The following PCYT1A variants were observed in gnomAD, a reference collection of about 807,000 sequenced individuals.
The protein encoded by PCYT1A is choline-phosphate cytidylyltransferase A.
In PCYT1A, 25 loss-of-function variants were observed where a neutral mutation model predicts 43.7. That is an observed-to-expected ratio of 0.57 (90% CI 0.42 to 0.80). The LOEUF (loss-of-function observed/expected upper bound fraction) is 0.80, where lower values mean the gene tolerates loss of function less well. Among genes scored for constraint, PCYT1A ranks in the 30% least tolerant of loss-of-function variants. The pLI, the probability that PCYT1A is intolerant of heterozygous loss-of-function variation, is 0.00. For missense variants in PCYT1A, 421 were observed against 474.2 expected (o/e 0.89, Z 1.04); for synonymous variants, 172 against 170.7 (o/e 1.01, Z -0.06).
At chr3:196,270,071 C>T (rs149401117) in intron 2 of PCYT1A, among the ~76,000 whole-genome samples, 4 of 152,218 alleles carry the variant, frequency 2.6e-5, no homozygotes, top group African/African-American at 4.8e-5. Context: ...CAGGGTTTCA[C>T]CAGGCTGGTC....
At position 196,273,981 on chromosome 3, in the gene PCYT1A, C is replaced by T. The variant is rs1725515705; in HGVS notation, c.-10-3440G>A. 6.6e-6 allele frequency among the ~76,000 whole-genome samples: 1 copy of T among 152,242 alleles called. No individual in the cohort carries two copies. Among genetic ancestry groups the T allele is most frequent in the Non-Finnish European group, 1.5e-5 (1 of 68,036 alleles). On this transcript the variant is annotated intron_variant, in intron 1 of 8. Coordinates refer to ENST00000431016, the MANE Select transcript of PCYT1A (RefSeq NM_001312673.2). This position sits in a 1 kb window ranked among gnomAD's most constrained non-coding sequence, Gnocchi z 4.1. ...GCGCCTGCAGGCCTGAATGGAGCTG[C>T]TCTCAGCTCCGCCTTGGCGTCCCCT...
chr3:196,271,051 G>A (rs1244046540), intron 1 of PCYT1A, among the ~76,000 whole-genome samples: 4 of 152,222 alleles, frequency 2.6e-5, no homozygotes, highest in African/African-American at 7.2e-5. Context: ...TTAAGACGGG[G>A]TCTCACTCTG....
At chr3:196,276,872 G>A (rs77143021) in intron 1 of PCYT1A, among the ~76,000 whole-genome samples, 2,480 of 152,044 alleles carry the variant, frequency 0.016, 45 homozygotes, top group Middle Eastern at 0.061. Context: ...GCAAGTCAAG[G>A]CTGCACTGAG....
intron 3 of PCYT1A, among the ~76,000 whole-genome samples, chr3:196,255,077 C>T (rs1480996546): frequency 6.6e-6 from 1 of 152,154 alleles, no homozygotes; most frequent in East Asian, 1.9e-4. Flanking sequence ...GGTGTTGAAA[C>T]TTCACTAGAG....
chr3:196,272,336 C>G (rs915686178), intron 1 of PCYT1A, among the ~76,000 whole-genome samples: 54 of 152,194 alleles, frequency 3.5e-4, no homozygotes, highest in Non-Finnish European at 7.5e-4. Context: ...AGGCACCCAC[C>G]ACCACGCCTG....
At chr3:196,240,384 T>C (rs1252714493) in intron 7 of PCYT1A, among the ~76,000 whole-genome samples, 6 of 152,260 alleles carry the variant, frequency 3.9e-5, no homozygotes, top group Middle Eastern at 6.8e-3. Context: ...GAGTATTTAG[T>C]CAAATGAGAA....
In PCYT1A at chr3:196,252,979, A is replaced by C. The variant is rs1724848073; in HGVS notation, c.218-4656T>G. On this transcript the variant is annotated intron_variant, in intron 3 of 8. Coordinates refer to ENST00000431016, the MANE Select transcript of PCYT1A (RefSeq NM_001312673.2). The surrounding 1 kb of genome is among the most constrained non-coding windows in gnomAD (Gnocchi z 4.0). ...AAAATAAAACAAAATTTGAGCATAT[A>C]ATCCCCCTTCTATGTCCCAGAAATC... 6.6e-6 allele frequency among the ~76,000 whole-genome samples: 1 copy of C among 152,220 alleles called. No homozygotes were observed. The highest frequency in any genetic ancestry group is 2.4e-5 in the African/African-American group (1 of 41,458).
chr3:196,272,324 A>G (rs68056570), intron 1 of PCYT1A, among the ~76,000 whole-genome samples: 55,813 of 151,792 alleles, frequency 0.37, 10,970 homozygotes, highest in East Asian at 0.82. Context: ...AGGTGGGATT[A>G]CAGGCACCCA....
Position 196,248,825 on chromosome 3 carries a change from C to T in PCYT1A, c.218-502G>A, listed in dbSNP as rs948720473. Among the ~76,000 whole-genome samples the T allele has an allele frequency of 1.4e-4, 21 of 151,960 alleles. No homozygotes were observed. In the South Asian group the frequency reaches 1.5e-3, roughly 11 times the overall value. On this transcript the variant is annotated intron_variant, in intron 3 of 8. Coordinates refer to ENST00000431016, the MANE Select transcript of PCYT1A (RefSeq NM_001312673.2). ...AGACTGGAGTGCAGTGGCACGATCTCGGCTCACTACAACCTGCAACTCCCG... is the reference window on the plus strand; with the variant it reads ...AGACTGGAGTGCAGTGGCACGATCTTGGCTCACTACAACCTGCAACTCCCG...
At chr3:196,253,230 G>A (rs746630505) in intron 3 of PCYT1A, among the ~76,000 whole-genome samples, 9 of 151,292 alleles carry the variant, frequency 5.9e-5, no homozygotes, top group Non-Finnish European at 8.8e-5. Context: ...CCAGCTACTC[G>A]GGAGGCTGAG....
Position 196,235,842 on chromosome 3 carries a change from T to G in PCYT1A, c.*2846A>C, listed in dbSNP as rs1724145500. On this transcript the variant is annotated 3_prime_UTR_variant, in exon 9 of 9. Transcript: ENST00000431016. The surrounding 1 kb of genome is among the most constrained non-coding windows in gnomAD (Gnocchi z 4.3). Reference sequence around the variant, plus strand: ...GTGCACACCTCTAACCTCATTTAATTAGGCACAGATGACCACATTATGCAA... The same window carrying G: ...GTGCACACCTCTAACCTCATTTAATGAGGCACAGATGACCACATTATGCAA... 6.6e-6 allele frequency: 1 copy of G among 152,250 alleles called. No individual in the cohort carries two copies. The allele number at this position is 152,250 out of a possible 1,614,324, so 9.4% of individuals were successfully genotyped here.
rs772607149 is a variant in PCYT1A, at chr3:196,247,582, G to A, written c.335-64C>T. ...TTTGCTTAGCACCTCCTCAGCCACCGACCTCTCCCATCTTCTCCCACTGCT... is the reference window on the plus strand; with the variant it reads ...TTTGCTTAGCACCTCCTCAGCCACCAACCTCTCCCATCTTCTCCCACTGCT... On this transcript the variant is annotated intron_variant, in intron 4 of 8. Transcript: ENST00000431016. The surrounding 1 kb of genome is among the most constrained non-coding windows in gnomAD (Gnocchi z 4.8). 1.3e-5 allele frequency: 19 copies of A among 1,473,530 alleles called. No homozygotes were observed. The highest frequency in any genetic ancestry group is 5.5e-5 in the African/African-American group (4 of 72,088). 91.3% of individuals were successfully genotyped at this position (1,473,530 alleles called of 1,614,324 possible). A position where few individuals can be genotyped will look rare whatever the true frequency, so the allele number is the denominator to read the frequency against.
Position 196,248,251 on chromosome 3 carries a change from A to C in PCYT1A, c.290T>G (p.Met97Arg). ...ATTAGGGAAAAGGTTCTTCGCTTGC[A>C]TCAGAGCTCGGGCGTGACCAGAGTG... is the stretch of plus-strand genomic sequence containing the variant. ...LFHSGHARAL[M>R]QAKNLFPNTY... The change falls in exon 4 of 9, where the codon ATG (methionine) becomes AGG (arginine). Residue 97 changes from methionine to arginine, a missense_variant. Physicochemically the swap from Met to Arg is moderately conservative, Grantham distance 91. Coordinates refer to ENST00000431016, the MANE Select transcript of PCYT1A (RefSeq NM_001312673.2). 6.2e-7 allele frequency: 1 copy of C among 1,613,650 alleles called. No homozygotes were observed. Among genetic ancestry groups the C allele is most frequent in the Non-Finnish European group, 8.5e-7 (1 of 1,179,486 alleles).
intron 2 of PCYT1A, among the ~76,000 whole-genome samples, chr3:196,260,199 A>G (rs1725069702): frequency 6.6e-6 from 1 of 152,076 alleles, no homozygotes; most frequent in Admixed American, 6.6e-5. Context: ...CTGGAATTAC[A>G]GGCTTGAGCC....
In PCYT1A at chr3:196,247,834, T is replaced by A; in HGVS notation, c.335-316A>T. The A allele has an allele frequency of 1.9e-6, 1 of 522,546 alleles. No individual in the cohort carries two copies. Among genetic ancestry groups the A allele is most frequent in the Non-Finnish European group, 3.5e-6 (1 of 284,504 alleles). 32.4% of individuals were successfully genotyped at this position (522,546 alleles called of 1,614,324 possible). A position where few individuals can be genotyped will look rare whatever the true frequency, so the allele number is the denominator to read the frequency against. ...AATTAAGTCCTTAAACATGTTTTCC[T>A]GTTTTATTCACACTGGACTGGACCA... On this transcript the variant is annotated intron_variant, in intron 4 of 8. Transcript: ENST00000431016. The surrounding 1 kb of genome is among the most constrained non-coding windows in gnomAD (Gnocchi z 4.8).
intron 2 of PCYT1A, chr3:196,267,478 G>A (rs1725308501): frequency 2.8e-6 from 1 of 352,418 alleles, no homozygotes; most frequent in Non-Finnish European, 5.8e-6. Context: ...ACTGTGGCAG[G>A]CTGAGGCAGG....
At chr3:196,249,546 A>C (rs1466600245) in intron 3 of PCYT1A, among the ~76,000 whole-genome samples, 1 of 152,212 alleles carries the variant, frequency 6.6e-6, no homozygotes, top group Admixed American at 6.6e-5. Flanking sequence ...CTTAGAAGCC[A>C]GGAAATGATT....
chr3:196,264,779 A>G (rs1725219105), intron 2 of PCYT1A, among the ~76,000 whole-genome samples: 1 of 152,176 alleles, frequency 6.6e-6, no homozygotes, highest in African/African-American at 2.4e-5. Context: ...TTTCATACGT[A>G]TCATAATTTC....
At chr3:196,260,456 A>G (rs950719833) in intron 2 of PCYT1A, among the ~76,000 whole-genome samples, 1 of 152,220 alleles carries the variant, frequency 6.6e-6, no homozygotes, top group African/African-American at 2.4e-5. Flanking sequence ...TTTGGAAAAC[A>G]GTTCTTCAAA....
Sources: allele counts gnomAD v4.1 joint callset (sites outside exome capture counted in the v4.1 genomes callset), GRCh38; gene constraint gnomAD v4.1.1; non-coding constraint Gnocchi (gnomAD v3.1); transcripts MANE v1.5; gene names NCBI Gene and HGNC (gene_info 2026-07-23, HGNC 2026-07-21).